SLC8A2: variants seen among roughly 807,000 people sequenced by gnomAD.
SLC8A2 encodes the protein solute carrier family 8 member A2.
In SLC8A2, 14 loss-of-function variants were observed where a neutral mutation model predicts 70.2. The ratio of observed to expected loss-of-function variants is 0.20; its 90% CI spans 0.13 to 0.31. The LOEUF is 0.31. Among genes scored for constraint, SLC8A2 ranks in the 10% least tolerant of loss-of-function variants. The pLI is 1.00. For missense variants in SLC8A2, 779 were observed against 1,320.1 expected (o/e 0.59, Z 6.35); for synonymous variants, 575 against 594.3 (o/e 0.97, Z 0.47).
At chr19:47,467,226 T>C (rs1967474637) in intron 1 of SLC8A2, among the ~76,000 whole-genome samples, 1 of 152,210 alleles carries the variant, frequency 6.6e-6, no homozygotes, top group Non-Finnish European at 1.5e-5. Context: ...ACCCAGCACA[T>C]GGATGAATCT....
At position 47,457,682 on chromosome 19, in the gene SLC8A2, C is replaced by T. The variant is rs1427951020; in HGVS notation, c.676-88G>A. 10 of 792,414 alleles carry T rather than the reference C, an allele frequency of 1.3e-5. No homozygotes were observed. In the East Asian group the frequency reaches 2.7e-4, roughly 21 times the overall value. 49.1% of individuals were successfully genotyped at this position (792,414 alleles called of 1,614,324 possible). A position where few individuals can be genotyped will look rare whatever the true frequency, so the allele number is the denominator to read the frequency against. On this transcript the variant is annotated intron_variant, in intron 2 of 9. Coordinates refer to ENST00000236877, the MANE Select transcript of SLC8A2 (RefSeq NM_015063.3). ...TCTCAGTCTCTGTCCGCCTCTGCCA[C>T]TCCTCATCTCTCTCCCCAACCCCCA...
At chr19:47,439,471 T>C (rs1967071680) in intron 6 of SLC8A2, among the ~76,000 whole-genome samples, 1 of 151,782 alleles carries the variant, frequency 6.6e-6, no homozygotes, top group African/African-American at 2.4e-5. Flanking sequence ...GGGTGGAGGT[T>C]GCCATGAGCC....
rs1196515266 is a variant in SLC8A2, at chr19:47,432,637, T to G, written c.2111-192A>C. 194 of 503,714 alleles carry G rather than the reference T, an allele frequency of 3.9e-4. No homozygotes were observed. The highest frequency in any genetic ancestry group is 2.6e-3 in the Middle Eastern group (8 of 3,084). The allele number at this position is 503,714 out of a possible 1,614,324, so 31.2% of individuals were successfully genotyped here. A position where few individuals can be genotyped will look rare whatever the true frequency, so the allele number is the denominator to read the frequency against. On this transcript the variant is annotated intron_variant, in intron 8 of 9. Coordinates refer to ENST00000236877, the MANE Select transcript of SLC8A2 (RefSeq NM_015063.3). This position sits in a 1 kb window ranked among gnomAD's most constrained non-coding sequence, Gnocchi z 6.2. ...CCCAGAATCCCTTGAAGCTAGGAGC[T>G]TGATTGGGCCCAGGTGAAAAATATT...
intron 8 of SLC8A2, among the ~76,000 whole-genome samples, chr19:47,436,750 G>GGCCA (rs1967033984): frequency 6.6e-6 from 1 of 152,192 alleles, no homozygotes; most frequent in African/African-American, 2.4e-5. Flanking sequence ...TATCACAAAG[G>GGCCA]GCCAGTGTTG....
At chr19:47,439,361 C>T (rs1426492005) in intron 6 of SLC8A2, among the ~76,000 whole-genome samples, 1 of 152,046 alleles carries the variant, frequency 6.6e-6, no homozygotes, top group African/African-American at 2.4e-5. Context: ...AACCCCATCT[C>T]TACTAAAAAA....
chr19:47,451,308 C>CTTTTTTTT (rs1555749092), intron 3 of SLC8A2, among the ~76,000 whole-genome samples: 1 of 150,476 alleles, frequency 6.6e-6, no homozygotes, highest in African/African-American at 2.5e-5. Context: ...GCGCCCAGAC[C>CTTTTTTTT]TTTTTTTTGT....
Position 47,432,147 on chromosome 19 carries a change from A to C in SLC8A2, c.2389+20T>G. 6.3e-7 allele frequency: 1 copy of C among 1,579,518 alleles called. No homozygotes were observed. Among genetic ancestry groups the C allele is most frequent in the Non-Finnish European group, 8.6e-7 (1 of 1,160,356 alleles). On this transcript the variant is annotated intron_variant, in intron 9 of 9. Coordinates refer to ENST00000236877, the MANE Select transcript of SLC8A2 (RefSeq NM_015063.3). The surrounding 1 kb of genome is among the most constrained non-coding windows in gnomAD (Gnocchi z 6.2). ...GGCTCATCTGAGATCCTACCCCACC[A>C]AAGTCTCCCAGGGTGTTACCAGGGA...
At position 47,432,625 on chromosome 19, in the gene SLC8A2, G is replaced by GCACCTACCTGTGGCC. The variant is rs1966979445; in HGVS notation, c.2111-181_2111-180insGGCCACAGGTAGGTG. The GCACCTACCTGTGGCC allele has an allele frequency of 1.1e-5, 6 of 550,728 alleles. No homozygotes were observed. The East Asian group carries it at 1.6e-4, about 14-fold the overall frequency. 34.1% of individuals were successfully genotyped at this position (550,728 alleles called of 1,614,324 possible). ...AACAGTTACTTTCCCAGAATCCCTTGAAGCTAGGAGCTTGATTGGGCCCAG... is the reference window on the plus strand; with the variant it reads ...AACAGTTACTTTCCCAGAATCCCTTGCACCTACCTGTGGCCAAGCTAGGAGCTTGATTGGGCCCAG... On this transcript the variant is annotated intron_variant, in intron 8 of 9. Transcript: ENST00000236877. This position sits in a 1 kb window ranked among gnomAD's most constrained non-coding sequence, Gnocchi z 6.2.
chr19:47,447,784 T>G lies in SLC8A2; in HGVS notation c.1763+25A>C. On this transcript the variant is annotated intron_variant, in intron 4 of 9. Coordinates refer to ENST00000236877, the MANE Select transcript of SLC8A2 (RefSeq NM_015063.3). This position sits in a 1 kb window ranked among gnomAD's most constrained non-coding sequence, Gnocchi z 5.1. Reference sequence around the variant, plus strand: ...CGCCCATTCCGAAGCCCCGCCCCTCTCCGGGCCGCCTCGGGCGTGCTCACA... The same window carrying G: ...CGCCCATTCCGAAGCCCCGCCCCTCGCCGGGCCGCCTCGGGCGTGCTCACA... The G allele has an allele frequency of 6.4e-7, 1 of 1,561,746 alleles. No homozygotes were observed. The highest frequency in any genetic ancestry group is 1.2e-5 in the South Asian group (1 of 85,874).
intron 3 of SLC8A2, among the ~76,000 whole-genome samples, chr19:47,454,915 A>ATCTC (rs1280162653): frequency 6.6e-6 from 1 of 151,986 alleles, no homozygotes; most frequent in Non-Finnish European, 1.5e-5. Context: ...ATGAAACCCC[A>ATCTC]TCTCTACTAA....
intron 4 of SLC8A2, among the ~76,000 whole-genome samples, chr19:47,445,660 TTC>T (rs1347866470): frequency 6.6e-6 from 1 of 152,196 alleles, no homozygotes; most frequent in African/African-American, 2.4e-5. Flanking sequence ...TAGCCTCCTG[TTC>T]TCTGTCTTCT....
At chr19:47,444,172 G>A (rs577964055) in intron 4 of SLC8A2, among the ~76,000 whole-genome samples, 1 of 152,188 alleles carries the variant, frequency 6.6e-6, no homozygotes, top group African/African-American at 2.4e-5. Flanking sequence ...GGGGTTACAG[G>A]TGTGAGCCAC....
chr19:47,459,698 C>T (rs987926027), intron 2 of SLC8A2, among the ~76,000 whole-genome samples: 1 of 103,994 alleles, frequency 9.6e-6, no homozygotes, highest in Non-Finnish European at 2.2e-5. Flanking sequence ...TGGGTGTGTC[C>T]TTCTGTGTGT....
Position 47,437,861 on chromosome 19 carries a change from T to G in SLC8A2, c.1998A>C (p.Ser666=). ...CCCGGAAAATCACCTTAAAATCATA[T>G]GACTCCTCGATGATGACCTCCAGCC... ...NCRLEVIIEE[S]YDFKNTVDKL... The change falls in exon 7 of 10, where the codon TCA becomes TCC. Residue 666 remains serine, a synonymous_variant. Coordinates refer to ENST00000236877, the MANE Select transcript of SLC8A2 (RefSeq NM_015063.3). 2 of 1,614,076 alleles carry G rather than the reference T, an allele frequency of 1.2e-6. No homozygotes were observed. Among genetic ancestry groups the G allele is most frequent in the Non-Finnish European group, 1.7e-6 (2 of 1,180,000 alleles).
intron 2 of SLC8A2, among the ~76,000 whole-genome samples, chr19:47,460,765 G>C (rs1310669423): frequency 1.3e-5 from 2 of 151,752 alleles, no homozygotes; most frequent in African/African-American, 4.8e-5. Flanking sequence ...CTATTATCTT[G>C]GGCTTGCAGA....
chr19:47,441,154 G>C lies in SLC8A2; in HGVS notation c.1885+15C>G, dbSNP rs762328000. The stretch of plus-strand genomic sequence containing the variant: ...GGCTCCTCCCCACTCAGAGCCCAGA[G>C]GTGACTTCACTCACCTTGATTGAGT... On this transcript the variant is annotated intron_variant, in intron 6 of 9. Coordinates refer to ENST00000236877, the MANE Select transcript of SLC8A2 (RefSeq NM_015063.3). 6.2e-7 allele frequency: 1 copy of C among 1,613,472 alleles called. No individual in the cohort carries two copies. Among genetic ancestry groups the C allele is most frequent in the South Asian group, 1.1e-5 (1 of 91,066 alleles).
intron 7 of SLC8A2, 129 bp downstream of exon 7, chr19:47,437,720 G>T (rs778129304): frequency 2.5e-6 from 3 of 1,224,080 alleles, no homozygotes; most frequent in Non-Finnish European, 3.6e-6. Flanking sequence ...GGCATGTGCT[G>T]TCCGTGGTCC....
Position 47,447,595 on chromosome 19 carries a change from A to T in SLC8A2, c.1763+214T>A. 3.7e-6 allele frequency: 2 copies of T among 534,730 alleles called. No homozygotes were observed. The highest frequency in any genetic ancestry group is 6.5e-6 in the Non-Finnish European group (2 of 309,360). The allele number at this position is 534,730 out of a possible 1,614,324, so 33.1% of individuals were successfully genotyped here. ...CAGGCCCCTCTCCTCCTGAGGGCCC[A>T]GCTGTTCAGTGAAGCCCCGCCCACG... is the stretch of plus-strand genomic sequence containing the variant. On this transcript the variant is annotated intron_variant, in intron 4 of 9. Coordinates refer to ENST00000236877, the MANE Select transcript of SLC8A2 (RefSeq NM_015063.3). This position sits in a 1 kb window ranked among gnomAD's most constrained non-coding sequence, Gnocchi z 5.1.
rs1966925624 is a variant in SLC8A2 at position 47,429,733 on chromosome 19, G to C, written c.*356C>G. 3.8e-6 allele frequency: 1 copy of C among 266,536 alleles called. No individual in the cohort carries two copies. Among genetic ancestry groups the C allele is most frequent in the African/African-American group, 2.3e-5 (1 of 44,220 alleles). 16.5% of individuals were successfully genotyped at this position (266,536 alleles called of 1,614,324 possible). ...GAGACTTTGGGGGCAAAGCCAGGCTGGGTGACCAAGGAGAGAGACCTTAAA... is the reference window on the plus strand; with the variant it reads ...GAGACTTTGGGGGCAAAGCCAGGCTCGGTGACCAAGGAGAGAGACCTTAAA... On this transcript the variant is annotated 3_prime_UTR_variant, in exon 10 of 10. Transcript: ENST00000236877.
Sources: gnomAD v4.1 joint callset for allele counts (sites outside exome capture counted in the v4.1 genomes callset) on GRCh38, gnomAD v4.1.1 for gene constraint, Gnocchi (gnomAD v3.1) non-coding constraint, MANE v1.5 for transcripts, NCBI Gene and HGNC (gene_info 2026-07-23, HGNC 2026-07-21) for gene names.